LCORL: variants seen among roughly 807,000 people sequenced by gnomAD.
LCORL encodes ligand-dependent nuclear receptor corepressor-like protein.
In LCORL, 41 loss-of-function variants were observed where a neutral mutation model predicts 141.8. That is an observed-to-expected ratio of 0.29 (90% confidence interval 0.23 to 0.38). The LOEUF (loss-of-function observed/expected upper bound fraction) is 0.38. LCORL is among the 10% of genes least tolerant of loss of function. LCORL has a pLI of 1.00. For missense variants in LCORL, 1,759 were observed against 2,035.0 expected (o/e 0.86, Z 2.61); for synonymous variants, 618 against 694.1 (o/e 0.89, Z 1.72).
intron 7 of LCORL, among the ~76,000 whole-genome samples, chr4:17,856,619 A>G (rs923092734): frequency 2.0e-5 from 3 of 152,206 alleles, no homozygotes; most frequent in Non-Finnish European, 2.9e-5. Flanking sequence ...TTTTGAGACA[A>G]AACACACTTT....
chr4:17,941,184 G>A (rs2724476), intron 4 of LCORL, among the ~76,000 whole-genome samples: 66,451 of 152,002 alleles, frequency 0.44, 17,012 homozygotes, highest in Non-Finnish European at 0.58. Context: ...AGACTATCCC[G>A]GCTAACACGG....
chr4:17,958,367 T>C (rs539745320), intron 4 of LCORL, among the ~76,000 whole-genome samples: 11 of 152,078 alleles, frequency 7.2e-5, no homozygotes, highest in Non-Finnish European at 1.5e-4. Context: ...GTTCAGCTAC[T>C]ATGTACATAT....
At chr4:17,894,090 C>A (rs777442737) in intron 5 of LCORL, among the ~76,000 whole-genome samples, 3 of 152,146 alleles carry the variant, frequency 2.0e-5, no homozygotes, top group Admixed American at 6.6e-5. Context: ...TGAGCCACCA[C>A]GCCTGGCCAT....
Position 17,884,047 on chromosome 4 carries a change from T to G in LCORL, c.776+2021A>C. ...TATTTTCAGAGGTTCCATCAACTGT[T>G]CCATTTTTAGAATTAAGACACAAAG... On this transcript the variant is annotated intron_variant, in intron 6 of 7. Coordinates refer to ENST00000635767, the Ensembl canonical transcript of LCORL. The surrounding 1 kb of genome is among the most constrained non-coding windows in gnomAD (Gnocchi z 4.4). The G allele has an allele frequency of 1.3e-6, 2 of 1,550,784 alleles. No homozygotes were observed. The highest frequency in any genetic ancestry group is 1.7e-6 in the Non-Finnish European group (2 of 1,146,360).
chr4:17,844,198 C>A (rs74327664), exon 8 of LCORL: 1 of 152,126 alleles, frequency 6.6e-6, no homozygotes, highest in Non-Finnish European at 1.5e-5. Context: ...TCTTTATATA[C>A]GCTACCAATT....
chr4:17,941,038 G>C (rs1049869986), intron 4 of LCORL, among the ~76,000 whole-genome samples: 2 of 152,120 alleles, frequency 1.3e-5, no homozygotes, highest in East Asian at 3.9e-4. Context: ...AAGATTCAGA[G>C]GTTTCTGAAT....
chr4:17,964,676 G>GT (rs1202755865), intron 2 of LCORL, among the ~76,000 whole-genome samples: 1 of 152,064 alleles, frequency 6.6e-6, no homozygotes, highest in East Asian at 1.9e-4. Flanking sequence ...ACCATACAAC[G>GT]TAAGAAGAAC....
At chr4:17,902,769 C>T (rs1731076325) in intron 5 of LCORL, among the ~76,000 whole-genome samples, 4 of 151,806 alleles carry the variant, frequency 2.6e-5, no homozygotes, top group Admixed American at 2.6e-4. Context: ...TCACTTGAAG[C>T]CTACTTAGTA....
intron 4 of LCORL, among the ~76,000 whole-genome samples, chr4:17,919,549 G>A (rs75054881): frequency 6.6e-6 from 1 of 152,160 alleles, no homozygotes; most frequent in East Asian, 1.9e-4. Context: ...AGAATTTTTT[G>A]CTTTCCCAGT....
intron 4 of LCORL, among the ~76,000 whole-genome samples, chr4:17,952,808 C>G (rs1451363453): frequency 2.6e-5 from 4 of 152,134 alleles, no homozygotes; most frequent in Non-Finnish European, 4.4e-5. Flanking sequence ...GTTTGGTGCA[C>G]AGACCATTTC....
rs541599912 is a variant in LCORL at position 17,990,888 on chromosome 4, C to T, written c.155-18003G>A. ...GCACACTCATGCCATACTAAAAAGT[C>T]CACGATCCTCAAAAATAAAAGGCAT... is the stretch of plus-strand genomic sequence containing the variant. On this transcript the variant is annotated intron_variant, in intron 1 of 7. Transcript: ENST00000635767. Among the ~76,000 whole-genome samples the T allele has an allele frequency of 1.1e-4, 17 of 152,024 alleles. No individual in the cohort carries two copies. In the South Asian group the frequency reaches 3.3e-3, roughly 30 times the overall value.
chr4:17,881,888 T>C, intron 6 of LCORL: 1 of 983,682 alleles, frequency 1.0e-6, no homozygotes. Context: ...ATGCAAGTTC[T>C]GGCCCTCACA....
intron 4 of LCORL, among the ~76,000 whole-genome samples, chr4:17,937,628 A>G (rs1737082135): frequency 6.6e-6 from 1 of 152,222 alleles, no homozygotes; most frequent in Non-Finnish European, 1.5e-5. Context: ...TTCTCCATAG[A>G]AACATATTAA....
At chr4:17,883,369 A>G (rs558286872) in intron 6 of LCORL, 1 of 1,026,926 alleles carries the variant, frequency 9.7e-7, no homozygotes, top group African/African-American at 1.7e-5. Context: ...GTCTTTCACC[A>G]ATAAAAATGT....
intron 1 of LCORL, among the ~76,000 whole-genome samples, chr4:18,008,571 A>G (rs1472616610): frequency 1.3e-5 from 2 of 152,228 alleles, no homozygotes; most frequent in East Asian, 1.9e-4. Flanking sequence ...AGGCAGAAAG[A>G]CTTGGGCAAG....
intron 5 of LCORL, among the ~76,000 whole-genome samples, chr4:17,891,988 TCAA>T (rs1373821256): frequency 6.6e-6 from 1 of 152,122 alleles, no homozygotes; most frequent in African/African-American, 2.4e-5. Context: ...AGCAAAAAAA[TCAA>T]CAAAGTGTAA....
At chr4:17,922,446 A>T (rs1023638712) in intron 4 of LCORL, among the ~76,000 whole-genome samples, 1 of 152,168 alleles carries the variant, frequency 6.6e-6, no homozygotes, top group Non-Finnish European at 1.5e-5. Context: ...ATTTGACCAT[A>T]TGTAAAGAAC....
At chr4:17,967,693 A>C (rs1056147752) in intron 2 of LCORL, among the ~76,000 whole-genome samples, 2 of 152,136 alleles carry the variant, frequency 1.3e-5, no homozygotes, top group Non-Finnish European at 2.9e-5. Flanking sequence ...CTATTACTGA[A>C]TATTTAGCCT....
chr4:17,964,591 C>G (rs1191500983), intron 2 of LCORL, among the ~76,000 whole-genome samples: 2 of 152,056 alleles, frequency 1.3e-5, no homozygotes, highest in African/African-American at 2.4e-5. Flanking sequence ...TAATTAAAAA[C>G]CCAGCTCCTA....
Sources: gnomAD v4.1 joint callset for allele counts (sites outside exome capture counted in the v4.1 genomes callset) on GRCh38, gnomAD v4.1.1 for gene constraint, Gnocchi (gnomAD v3.1) non-coding constraint, MANE v1.5 for transcripts, NCBI Gene and HGNC (gene_info 2026-07-23, HGNC 2026-07-21) for gene names.